Variants in DACH1 observed in about 807,000 individuals in gnomAD.
The protein encoded by DACH1 is dachshund homolog 1.
A neutral mutation model predicts 54.2 loss-of-function variants in DACH1; 12 were observed. The observed-to-expected ratio is 0.22, with a 90% confidence interval of 0.14 to 0.36. The LOEUF (loss-of-function observed/expected upper bound fraction) is 0.36, where lower values mean the gene tolerates loss of function less well. Ranked by LOEUF, DACH1 falls within the 10% of genes least tolerant of loss-of-function variation. The pLI is 1.00. For synonymous variants in DACH1, 386 were observed against 366.2 expected (o/e 1.05, Z -0.62); for missense variants, 805 against 929.8 (o/e 0.87, Z 1.75).
chr13:71,793,500 C>T (rs1404093973), intron 1 of DACH1, among the ~76,000 whole-genome samples: 48 of 152,098 alleles, frequency 3.2e-4, no homozygotes, highest in Non-Finnish European at 5.9e-5. Flanking sequence ...ATCTATTTTA[C>T]TTACTTCTCA....
chr13:71,557,660 A>C (rs181899749), intron 5 of DACH1, among the ~76,000 whole-genome samples: 1 of 152,172 alleles, frequency 6.6e-6, no homozygotes, highest in East Asian at 1.9e-4. Flanking sequence ...TCACCACCTT[A>C]AGAAAGTGAT....
intron 6 of DACH1, among the ~76,000 whole-genome samples, chr13:71,515,879 T>C (rs147312543): frequency 4.2e-4 from 64 of 151,978 alleles, no homozygotes; most frequent in Non-Finnish European, 7.5e-4. Context: ...ATTCACAGGG[T>C]AACAATCTGC....
intron 2 of DACH1, among the ~76,000 whole-genome samples, chr13:71,657,516 T>A (rs74395626): frequency 0.061 from 9,214 of 151,170 alleles, 936 homozygotes; most frequent in African/African-American, 0.21. Flanking sequence ...GAAAAAAAGT[T>A]TATTTTTATT....
At chr13:71,483,584 A>G (rs1465005640) in intron 7 of DACH1, among the ~76,000 whole-genome samples, 2 of 148,158 alleles carry the variant, frequency 1.3e-5, no homozygotes, top group African/African-American at 2.4e-5. Context: ...TTATATATTA[A>G]TGTAAATAAG....
intron 2 of DACH1, among the ~76,000 whole-genome samples, chr13:71,656,778 A>T (rs761026826): frequency 6.7e-6 from 1 of 150,064 alleles, no homozygotes; most frequent in Non-Finnish European, 1.5e-5. Flanking sequence ...TTTTCAAGTC[A>T]GAATATATAT....
chr13:71,779,209 A>ATACG (rs1182447270), intron 1 of DACH1, among the ~76,000 whole-genome samples: 6 of 113,618 alleles, frequency 5.3e-5, no homozygotes, highest in Non-Finnish European at 8.7e-5. Context: ...ATATATGTGT[A>ATACG]TATATATACG....
chr13:71,565,760 T>C (rs1426141202), intron 4 of DACH1, among the ~76,000 whole-genome samples: 1 of 152,208 alleles, frequency 6.6e-6, no homozygotes, highest in Non-Finnish European at 1.5e-5. Flanking sequence ...AACAACTTAA[T>C]ATAATCTGAA....
intron 3 of DACH1, among the ~76,000 whole-genome samples, chr13:71,610,124 G>A (rs1250449257): frequency 6.6e-6 from 1 of 152,118 alleles, no homozygotes; most frequent in Admixed American, 6.6e-5. Flanking sequence ...GTTTGCAGTG[G>A]ATGTGGTCAT....
At chr13:71,454,602 C>T (rs1593718287) in intron 10 of DACH1, among the ~76,000 whole-genome samples, 1 of 152,166 alleles carries the variant, frequency 6.6e-6, no homozygotes, top group Non-Finnish European at 1.5e-5. Flanking sequence ...TGGAGAGTAC[C>T]GTGTGGCAAG....
Position 71,572,876 on chromosome 13 carries a change from C to T in DACH1, c.1263G>A (p.Gln421=). The change falls in exon 4 of 11, where the codon CAG becomes CAA. Residue 421 remains glutamine, a synonymous_variant. Coordinates refer to ENST00000613252, the MANE Select transcript of DACH1 (RefSeq NM_080759.6). ...IANMAAAAQV[Q]SPPSRVETSV... ...ATGTCTCAACTCTGGATGGGGGACT[C>T]TGAACTTGTGCTGCTGCTGCCATAT... 1 of 1,613,816 alleles carries T rather than the reference C, an allele frequency of 6.2e-7. No individual in the cohort carries two copies. The highest frequency in any genetic ancestry group is 8.5e-7 in the Non-Finnish European group (1 of 1,179,848).
intron 2 of DACH1, among the ~76,000 whole-genome samples, chr13:71,670,244 T>C (rs1484182564): frequency 1.3e-5 from 2 of 152,194 alleles, no homozygotes; most frequent in African/African-American, 4.8e-5. Flanking sequence ...TGATTCAATT[T>C]ATTGAATTAG....
At chr13:71,803,084 T>C (rs1887352599) in intron 1 of DACH1, among the ~76,000 whole-genome samples, 1 of 152,168 alleles carries the variant, frequency 6.6e-6, no homozygotes, top group Non-Finnish European at 1.5e-5. Flanking sequence ...GTTAATCTCT[T>C]AAGTCCTATT....
chr13:71,732,426 A>G (rs1883792638), intron 1 of DACH1, among the ~76,000 whole-genome samples: 1 of 151,832 alleles, frequency 6.6e-6, no homozygotes, highest in African/African-American at 2.4e-5. Flanking sequence ...CTGTACTAAA[A>G]ATACAAAAAT....
chr13:71,759,670 C>T (rs1237143233), intron 1 of DACH1, among the ~76,000 whole-genome samples: 1 of 152,066 alleles, frequency 6.6e-6, no homozygotes, highest in Non-Finnish European at 1.5e-5. Flanking sequence ...ATTTTATTGC[C>T]TTGTATGCAT....
At chr13:71,673,558 T>A (rs531780273) in intron 2 of DACH1, among the ~76,000 whole-genome samples, 77 of 151,812 alleles carry the variant, frequency 5.1e-4, no homozygotes, top group Non-Finnish European at 1.0e-3. Context: ...AAGAGTAATA[T>A]GTTCCCATGG....
intron 1 of DACH1, among the ~76,000 whole-genome samples, chr13:71,863,430 T>TTA (rs1397451025): frequency 6.6e-6 from 1 of 152,186 alleles, no homozygotes; most frequent in Non-Finnish European, 1.5e-5. Context: ...CTTCCCGCCT[T>TTA]TAACTTAAAA....
intron 10 of DACH1, among the ~76,000 whole-genome samples, chr13:71,442,675 C>T (rs1040420062): frequency 2.0e-5 from 3 of 151,972 alleles, no homozygotes; most frequent in African/African-American, 7.2e-5. Context: ...AGTACCAAAC[C>T]CTATGTATAC....
chr13:71,632,647 C>T (rs1566393346), intron 2 of DACH1, among the ~76,000 whole-genome samples: 2 of 152,016 alleles, frequency 1.3e-5, no homozygotes, highest in Admixed American at 1.3e-4. Flanking sequence ...TCTCTGCTGG[C>T]TTTTTAGAGG....
At chr13:71,745,870 A>G (rs942667786) in intron 1 of DACH1, among the ~76,000 whole-genome samples, 2 of 152,252 alleles carry the variant, frequency 1.3e-5, no homozygotes, top group Admixed American at 6.5e-5. Context: ...AGAGTTATCT[A>G]TACTTACTAA....
Sources: allele counts gnomAD v4.1 joint callset (sites outside exome capture counted in the v4.1 genomes callset), GRCh38; gene constraint gnomAD v4.1.1; transcripts MANE v1.5; gene names NCBI Gene and HGNC (gene_info 2026-07-23, HGNC 2026-07-21).